Variants in RGS22 observed in about 807,000 individuals in gnomAD.
RGS22 encodes regulator of G protein signaling 22.
RGS22 carries 148 observed loss-of-function variants against 172.9 expected under a neutral mutation model. The ratio of observed to expected loss-of-function variants is 0.86; its 90% CI spans 0.75 to 0.98. The LOEUF is 0.98. Among genes scored for constraint, RGS22 ranks in the 50% least tolerant of loss-of-function variants. The pLI is 0.00. For synonymous variants in RGS22, 458 were observed against 480.2 expected (o/e 0.95, Z 0.60); for missense variants, 1,347 against 1,440.8 (o/e 0.93, Z 1.05).
intron 3 of RGS22, among the ~76,000 whole-genome samples, chr8:100,086,762 CA>C (rs1307960907): frequency 6.6e-6 from 1 of 152,102 alleles, no homozygotes; most frequent in Non-Finnish European, 1.5e-5. Flanking sequence ...CTCCGTATAA[CA>C]AAATCTCTGG....
At chr8:100,096,765 T>TC (rs1220045607) in intron 2 of RGS22, among the ~76,000 whole-genome samples, 1 of 150,244 alleles carries the variant, frequency 6.7e-6, no homozygotes, top group Non-Finnish European at 1.5e-5. Flanking sequence ...CACCTAGACC[T>TC]CCCGAAGTGC....
At chr8:100,024,155 T>TG (rs1817922076) in intron 14 of RGS22, 1 of 152,038 alleles carries the variant, frequency 6.6e-6, no homozygotes, top group African/African-American at 2.4e-5. Context: ...TTAGTAGAGA[T>TG]GGGTTTCACT....
At chr8:100,009,666 T>G (rs955677846) in intron 14 of RGS22, among the ~76,000 whole-genome samples, 2 of 152,208 alleles carry the variant, frequency 1.3e-5, no homozygotes, top group African/African-American at 4.8e-5. Flanking sequence ...TATTTCAATT[T>G]TATTTCATAT....
chr8:100,065,538 T>G (rs2131809071), intron 7 of RGS22, among the ~76,000 whole-genome samples: 1 of 152,304 alleles, frequency 6.6e-6, no homozygotes, highest in Non-Finnish European at 1.5e-5. Context: ...ATTCCTGGGT[T>G]CTTCTTCTGA....
intron 2 of RGS22, among the ~76,000 whole-genome samples, chr8:100,096,018 TG>T (rs1193230945): frequency 1.3e-5 from 2 of 152,220 alleles, no homozygotes; most frequent in African/African-American, 2.4e-5. Flanking sequence ...ATTTTCCCAC[TG>T]CAGTTTCTAG....
intron 11 of RGS22, among the ~76,000 whole-genome samples, chr8:100,045,451 G>A (rs1271175763): frequency 6.6e-6 from 1 of 151,934 alleles, no homozygotes; most frequent in Non-Finnish European, 1.5e-5. Context: ...CAAATACACA[G>A]AAAATAATGT....
rs375830197 is a variant in RGS22 at position 100,052,148 on chromosome 8, A to AATATATAT, written c.1689+646_1689+653dup. 3.7e-4 allele frequency among the ~76,000 whole-genome samples: 7 copies of AATATATAT among 19,058 alleles called. 3 individuals carry two copies. The highest frequency in any genetic ancestry group is 6.0e-4 in the Non-Finnish European group (7 of 11,750). 12.5% of individuals were successfully genotyped at this position (19,058 alleles called of 152,430 possible). On this transcript the variant is annotated intron_variant, in intron 10 of 27. Transcript: ENST00000360863. ...ATATATAAATATATAAACATATATT[A>AATATATAT]ATATATATATAAATATATAAACATA... is the stretch of plus-strand genomic sequence containing the variant.
Position 100,041,891 on chromosome 8 carries a change from T to C in RGS22, c.1849A>G (p.Lys617Glu). 4 of 1,612,020 alleles carry C rather than the reference T, an allele frequency of 2.5e-6. No individual in the cohort carries two copies. Among genetic ancestry groups the C allele is most frequent in the Non-Finnish European group, 3.4e-6 (4 of 1,178,440 alleles). The change falls in exon 12 of 28, where the codon AAA (lysine) becomes GAA (glutamate). Residue 617 changes from lysine to glutamate, a missense_variant. Physicochemically the swap from Lys to Glu is moderately conservative, Grantham distance 56. Transcript: ENST00000360863. ...KGSKYMSESS[K>E]VIHLTSFTDI... is the part of the protein sequence containing the mutation. ...GTAAAAGATGTTAAATGAATGACTT[T>C]GCTGCTTTCTGACATGTACTTTGAC...
chr8:100,079,293 C>T (rs1237379666), intron 4 of RGS22, among the ~76,000 whole-genome samples: 2 of 152,078 alleles, frequency 1.3e-5, no homozygotes, highest in Non-Finnish European at 2.9e-5. Flanking sequence ...ATGGTTATTA[C>T]TATTAGCATT....
At chr8:99,998,250 G>T (rs1312253279) in intron 19 of RGS22, among the ~76,000 whole-genome samples, 2 of 152,090 alleles carry the variant, frequency 1.3e-5, no homozygotes, top group Non-Finnish European at 2.9e-5. Flanking sequence ...TTTGCCATGT[G>T]CCAGGCACCA....
rs139846278 is a variant in RGS22, at chr8:100,002,377, C to T, written c.2628-13G>A. On this transcript the variant is annotated splice_polypyrimidine_tract_variant and intron_variant, in intron 17 of 27. Transcript: ENST00000360863. ...CATAAGATCCATGCTAAAATGAAAA[C>T]AAAAACAATGTATAGCTCTTCATAT... is the stretch of plus-strand genomic sequence containing the variant. 3.8e-6 allele frequency: 6 copies of T among 1,590,138 alleles called. No homozygotes were observed. In the African/African-American group the frequency reaches 8.2e-5, roughly 22 times the overall value.
intron 14 of RGS22, among the ~76,000 whole-genome samples, chr8:100,030,333 G>C (rs1398265297): frequency 6.6e-6 from 1 of 152,178 alleles, no homozygotes; most frequent in Non-Finnish European, 1.5e-5. Context: ...ACTGGTTTAT[G>C]TATTTGCTAC....
At chr8:100,064,633 T>C (rs1221170855) in intron 7 of RGS22, among the ~76,000 whole-genome samples, 1 of 152,142 alleles carries the variant, frequency 6.6e-6, no homozygotes, top group Non-Finnish European at 1.5e-5. Context: ...ACACAGAAGA[T>C]ATACAAAAAT....
chr8:100,023,255 T>C (rs1440456879), intron 14 of RGS22, among the ~76,000 whole-genome samples: 2 of 152,172 alleles, frequency 1.3e-5, no homozygotes, highest in Admixed American at 6.5e-5. Context: ...GGTAACTGTA[T>C]GAACCCTATG....
chr8:100,076,281 AATCCAAGGT>A (rs1811342816), intron 4 of RGS22, among the ~76,000 whole-genome samples: 1 of 152,192 alleles, frequency 6.6e-6, no homozygotes, highest in East Asian at 1.9e-4. Flanking sequence ...ACCAATGCAT[AATCCAAGGT>A]TATGAAGATT....
chr8:100,088,175 G>A (rs1012896445), intron 3 of RGS22, among the ~76,000 whole-genome samples: 11 of 152,054 alleles, frequency 7.2e-5, no homozygotes, highest in South Asian at 4.2e-4. Flanking sequence ...AACTGTTTAC[G>A]GATTGTAAAA....
intron 23 of RGS22, among the ~76,000 whole-genome samples, chr8:99,977,440 A>G (rs1481803528): frequency 6.6e-6 from 1 of 151,910 alleles, no homozygotes; most frequent in Non-Finnish European, 1.5e-5. Flanking sequence ...TAATTTTCAT[A>G]TTGAAAATGT....
At chr8:100,023,625 G>C (rs1022651732) in intron 14 of RGS22, among the ~76,000 whole-genome samples, 2 of 151,970 alleles carry the variant, frequency 1.3e-5, no homozygotes, top group South Asian at 2.1e-4. Context: ...TGTAGAAATA[G>C]GGCCTCACCA....
At chr8:100,074,655 A>G (rs1041015861) in intron 4 of RGS22, among the ~76,000 whole-genome samples, 1 of 152,144 alleles carries the variant, frequency 6.6e-6, no homozygotes, top group Non-Finnish European at 1.5e-5. Flanking sequence ...CAGTTTGTTT[A>G]TCCATTCCCC....
Sources: gnomAD v4.1 joint callset for allele counts (sites outside exome capture counted in the v4.1 genomes callset) on GRCh38, gnomAD v4.1.1 for gene constraint, MANE v1.5 for transcripts, NCBI Gene and HGNC (gene_info 2026-07-23, HGNC 2026-07-21) for gene names.